The following ENTPD1 variants were observed in gnomAD, a reference collection of about 807,000 sequenced individuals.
ENTPD1 encodes the protein ATP diphosphohydrolase.
A neutral mutation model predicts 57.0 loss-of-function variants in ENTPD1; 33 were observed. The observed-to-expected ratio is 0.58, with a 90% CI of 0.44 to 0.77. The LOEUF is 0.77. Among genes scored for constraint, ENTPD1 ranks in the 30% least tolerant of loss-of-function variants. ENTPD1 has a pLI of 0.00. For synonymous variants in ENTPD1, 202 were observed against 218.8 expected, an observed-to-expected ratio of 0.92 and a Z score of 0.68; for missense variants, 501 against 603.4, an observed-to-expected ratio of 0.83 and a Z score of 1.78.
intron 1 of ENTPD1, among the ~76,000 whole-genome samples, chr10:95,720,605 G>T (rs931334149): frequency 1.3e-5 from 2 of 152,158 alleles, no homozygotes; most frequent in East Asian, 3.8e-4. Flanking sequence ...ACATACCCGG[G>T]GCTCTGTGAG....
chr10:95,773,843 A>G (rs1456659449), intron 1 of ENTPD1, among the ~76,000 whole-genome samples: 1 of 152,212 alleles, frequency 6.6e-6, no homozygotes, highest in Non-Finnish European at 1.5e-5. Context: ...CTTTGGGTAG[A>G]TACCCAGTAA....
At chr10:95,705,585 G>A in the ENTPD1 span, among the ~76,000 whole-genome samples, 2 of 152,040 alleles carry the variant, frequency 1.3e-5, no homozygotes, top group African/African-American at 2.4e-5. Flanking sequence ...TCCACCTCCC[G>A]GGTTCAAGCG....
In ENTPD1 at chr10:95,876,757, C is replaced by A; in HGVS notation, c.*10374C>A. The A allele has an allele frequency of 2.9e-6, 2 of 686,122 alleles. No individual in the cohort carries two copies. Among genetic ancestry groups the A allele is most frequent in the Non-Finnish European group, 3.9e-6 (2 of 517,620 alleles). The allele number at this position is 686,122 out of a possible 1,614,324, so 42.5% of individuals were successfully genotyped here. On this transcript the variant is annotated 3_prime_UTR_variant, in exon 10 of 10. Transcript: ENST00000371205. The stretch of plus-strand genomic sequence containing the variant: ...ATAATACACATCCATGTGCCCATCA[C>A]AGAACTTCACTGATTATCATCATTT...
rs1405826666 is a variant in ENTPD1, at chr10:95,756,207, G to A, written c.-33G>A. 6.3e-7 allele frequency: 1 copy of A among 1,585,124 alleles called. No individual in the cohort carries two copies. The highest frequency in any genetic ancestry group is 1.4e-5 in the African/African-American group (1 of 74,018). On this transcript the variant is annotated 5_prime_UTR_variant, in exon 1 of 10. Transcript: ENST00000371205. ...AGCAGAGGCTGGGGGGGGGAAAGAC[G>A]AGGAAAGAGGAGGAAAACAAAAGCT...
At chr10:95,780,830 G>A (rs561200479) in intron 1 of ENTPD1, among the ~76,000 whole-genome samples, 1 of 152,256 alleles carries the variant, frequency 6.6e-6, no homozygotes, top group African/African-American at 2.4e-5. Flanking sequence ...TGGAGACAGG[G>A]GAAACTGAAT....
At chr10:95,814,038 A>G in intron 1 of ENTPD1, among the ~76,000 whole-genome samples, 1 of 152,202 alleles carries the variant, frequency 6.6e-6, no homozygotes, top group East Asian at 1.9e-4. Context: ...TCAATTTCAG[A>G]TGTGGAAGAA....
At chr10:95,789,316 G>A (rs1376642283) in intron 1 of ENTPD1, among the ~76,000 whole-genome samples, 1 of 152,194 alleles carries the variant, frequency 6.6e-6, no homozygotes, top group Non-Finnish European at 1.5e-5. Flanking sequence ...AGGAAACTCA[G>A]TATGAGTTGA....
At chr10:95,815,821 A>G (rs186227100) in intron 1 of ENTPD1, among the ~76,000 whole-genome samples, 1 of 152,318 alleles carries the variant, frequency 6.6e-6, no homozygotes, top group African/African-American at 2.4e-5. Flanking sequence ...AGGCTTTAGA[A>G]CAGGAAAGAA....
chr10:95,808,401 A>G (rs546833518), intron 1 of ENTPD1, among the ~76,000 whole-genome samples: 1 of 152,314 alleles, frequency 6.6e-6, no homozygotes, highest in African/African-American at 2.4e-5. Context: ...CATCTCTGCC[A>G]GGTTTTGGTA....
intron 1 of ENTPD1, among the ~76,000 whole-genome samples, chr10:95,795,819 T>C (rs1331504720): frequency 6.6e-6 from 1 of 152,192 alleles, no homozygotes; most frequent in Non-Finnish European, 1.5e-5. Context: ...GAGTTAACCA[T>C]GTTTGCTAAG....
In ENTPD1 at chr10:95,760,814, C is replaced by CTTTTTTTTTTTT. The variant is rs71034350; in HGVS notation, c.16+4581_16+4592dup. 2.7e-3 allele frequency among the ~76,000 whole-genome samples: 169 copies of CTTTTTTTTTTTT among 62,964 alleles called. 36 individuals carry two copies. The highest frequency in any genetic ancestry group is 3.3e-3 in the East Asian group (5 of 1,510). 41.3% of individuals were successfully genotyped at this position (62,964 alleles called of 152,430 possible). A position where few individuals can be genotyped will look rare whatever the true frequency, so the allele number is the denominator to read the frequency against. On this transcript the variant is annotated intron_variant, in intron 1 of 9. Coordinates refer to ENST00000371205, the MANE Select transcript of ENTPD1 (RefSeq NM_001776.6). The stretch of plus-strand genomic sequence containing the variant: ...TGGAGTAAATTACATAGAGTTTATT[C>CTTTTTTTTTTTT]TTTTTTTTTTTTTTTTTTTTTTTTT...
intron 1 of ENTPD1, among the ~76,000 whole-genome samples, chr10:95,763,989 T>C (rs564936458): frequency 5.3e-5 from 8 of 152,350 alleles, no homozygotes; most frequent in Admixed American, 2.0e-4. Flanking sequence ...TTGATCTTAT[T>C]ATCTGGAGAC....
At chr10:95,770,008 A>G (rs2098108919) in intron 1 of ENTPD1, among the ~76,000 whole-genome samples, 2 of 152,106 alleles carry the variant, frequency 1.3e-5, no homozygotes, top group South Asian at 4.1e-4. Context: ...AATAGAGCAG[A>G]TGGATATACA....
chr10:95,847,159 A>G (rs1009008044), intron 6 of ENTPD1, among the ~76,000 whole-genome samples: 3 of 152,158 alleles, frequency 2.0e-5, no homozygotes, highest in Non-Finnish European at 4.4e-5. Context: ...ATTAGGACTA[A>G]GCACTCAGGG....
At chr10:95,698,212 C>A in the ENTPD1 span, among the ~76,000 whole-genome samples, 1 of 152,114 alleles carries the variant, frequency 6.6e-6, no homozygotes, top group Non-Finnish European at 1.5e-5. Flanking sequence ...TGTGTCCATG[C>A]CTGAGGGAAT....
chr10:95,801,446 T>C (rs780103467), intron 1 of ENTPD1, among the ~76,000 whole-genome samples: 1 of 152,204 alleles, frequency 6.6e-6, no homozygotes, highest in Non-Finnish European at 1.5e-5. Flanking sequence ...CACCATTTAT[T>C]GAATAGGGAA....
intron 2 of ENTPD1, among the ~76,000 whole-genome samples, chr10:95,837,778 C>G (rs1383172223): frequency 6.6e-6 from 1 of 152,090 alleles, no homozygotes; most frequent in Non-Finnish European, 1.5e-5. Context: ...TCTTTTCTCC[C>G]TGGAGTCTCT....
rs1386553171 is a variant in ENTPD1 at position 95,866,487 on chromosome 10, C to T, written c.*104C>T. On this transcript the variant is annotated 3_prime_UTR_variant, in exon 10 of 10. Coordinates refer to ENST00000371205, the MANE Select transcript of ENTPD1 (RefSeq NM_001776.6). ...GGCCATCCTTCCCTGTCTGCCAGGG[C>T]CAGTCTTGACGAGTGTGAAGCTTCC... The T allele has an allele frequency of 6.4e-7, 1 of 1,556,800 alleles. No homozygotes were observed. Among genetic ancestry groups the T allele is most frequent in the Admixed American group, 1.9e-5 (1 of 52,224 alleles).
chr10:95,773,191 C>G (rs956225883), intron 1 of ENTPD1, among the ~76,000 whole-genome samples: 1 of 152,152 alleles, frequency 6.6e-6, no homozygotes, highest in African/African-American at 2.4e-5. Context: ...GATCTGCCCC[C>G]ATGACCAAAC....
Sources: gnomAD v4.1 joint callset for allele counts (sites outside exome capture counted in the v4.1 genomes callset) on GRCh38, gnomAD v4.1.1 for gene constraint, MANE v1.5 for transcripts, NCBI Gene and HGNC (gene_info 2026-07-23, HGNC 2026-07-21) for gene names.